BCAR3: variants seen among roughly 807,000 people sequenced by gnomAD.
BCAR3 encodes BCAR3 adaptor protein, NSP family member.
BCAR3 carries 37 observed loss-of-function variants against 80.1 expected under a neutral mutation model. The ratio of observed to expected loss-of-function variants is 0.46; its 90% CI spans 0.36 to 0.61. The LOEUF (loss-of-function observed/expected upper bound fraction) is 0.61. Ranked by LOEUF, BCAR3 falls within the 20% of genes least tolerant of loss-of-function variation. The probability of loss-of-function intolerance (pLI) is 0.00; values close to 1 mark genes in which losing one functional copy is unlikely to be tolerated. For synonymous variants in BCAR3, 389 were observed against 418.9 expected, an observed-to-expected ratio of 0.93 and a Z score of 0.87; for missense variants, 978 against 1,068.2, an observed-to-expected ratio of 0.92 and a Z score of 1.18.
At chr1:93,566,964 G>GT (rs1200520464) in intron 11 of BCAR3, among the ~76,000 whole-genome samples, 2 of 152,160 alleles carry the variant, frequency 1.3e-5, no homozygotes, top group African/African-American at 4.8e-5. Context: ...CTGACTTCAA[G>GT]TGATCTACCT....
chr1:93,807,706 T>TA (rs1653702394), intron 2 of BCAR3, among the ~76,000 whole-genome samples: 1 of 152,144 alleles, frequency 6.6e-6, no homozygotes, highest in African/African-American at 2.4e-5. Context: ...GAAGGAGTCT[T>TA]AAGACAACTG....
intron 2 of BCAR3, among the ~76,000 whole-genome samples, chr1:93,769,260 G>A (rs1652265665): frequency 6.6e-6 from 1 of 152,112 alleles, no homozygotes; most frequent in Non-Finnish European, 1.5e-5. Flanking sequence ...GGGAAAATAC[G>A]CTCGTGGTAT....
At chr1:93,769,326 A>T (rs1176869295) in intron 2 of BCAR3, among the ~76,000 whole-genome samples, 1 of 150,484 alleles carries the variant, frequency 6.6e-6, no homozygotes, top group Non-Finnish European at 1.5e-5. Context: ...ACAGGTGATT[A>T]CAGTTTAGGA....
At chr1:93,802,038 A>C (rs1653497001) in intron 2 of BCAR3, among the ~76,000 whole-genome samples, 3 of 152,046 alleles carry the variant, frequency 2.0e-5, no homozygotes, top group Non-Finnish European at 2.9e-5. Flanking sequence ...GAATCACCTG[A>C]ACCTGGCTTG....
chr1:93,790,402 G>A (rs1653100979), intron 2 of BCAR3, among the ~76,000 whole-genome samples: 2 of 152,072 alleles, frequency 1.3e-5, no homozygotes, highest in African/African-American at 2.4e-5. Flanking sequence ...ATATCTAATT[G>A]CTTAACTTAC....
intron 2 of BCAR3, among the ~76,000 whole-genome samples, chr1:93,653,471 G>A (rs1026497142): frequency 2.0e-5 from 3 of 152,304 alleles, no homozygotes; most frequent in Middle Eastern, 3.4e-3. Flanking sequence ...TCTACAGGGT[G>A]AGCTTTCCAA....
At chr1:93,656,465 A>T (rs71652539) in intron 2 of BCAR3, among the ~76,000 whole-genome samples, 19,991 of 151,916 alleles carry the variant, frequency 0.13, 1,412 homozygotes, top group Middle Eastern at 0.16. Context: ...TATTGATTAT[A>T]GTTTTTTATT....
intron 2 of BCAR3, among the ~76,000 whole-genome samples, chr1:93,779,257 TCCAATGACTTGGCCAGGGC>T (rs966626515): frequency 2.6e-5 from 4 of 152,170 alleles, no homozygotes; most frequent in Admixed American, 1.3e-4. Context: ...ATTCCTGAGG[TCCAATGACTTGGCCAGGGC>T]CAAGTCATTC....
chr1:93,750,901 G>C (rs1030699511), intron 2 of BCAR3, among the ~76,000 whole-genome samples: 3 of 152,172 alleles, frequency 2.0e-5, no homozygotes, highest in African/African-American at 4.8e-5. Flanking sequence ...CCTCTTTGCT[G>C]TGCCATTTCT....
At chr1:93,763,318 C>A (rs910925455) in intron 2 of BCAR3, among the ~76,000 whole-genome samples, 1 of 152,190 alleles carries the variant, frequency 6.6e-6, no homozygotes, top group African/African-American at 2.4e-5. Context: ...CCTGCCTCGG[C>A]CTCCCAAAGT....
At chr1:93,641,012 C>T (rs1456624438) in intron 3 of BCAR3, among the ~76,000 whole-genome samples, 2 of 152,204 alleles carry the variant, frequency 1.3e-5, no homozygotes, top group African/African-American at 4.8e-5. Context: ...AATGCACAAC[C>T]TGCACAAAAC....
chr1:93,710,231 G>T (rs1649972782), intron 2 of BCAR3, among the ~76,000 whole-genome samples: 1 of 152,202 alleles, frequency 6.6e-6, no homozygotes, highest in African/African-American at 2.4e-5. Context: ...CTTGTTTCTG[G>T]CTTTGCCCCT....
Position 93,592,974 on chromosome 1 carries a change from T to G in BCAR3, c.358-581A>C, listed in dbSNP as rs549168747. Among the ~76,000 whole-genome samples the G allele has an allele frequency of 1.3e-5, 2 of 152,362 alleles. No individual in the cohort carries two copies. Among genetic ancestry groups the G allele is most frequent in the African/African-American group, 4.8e-5 (2 of 41,576 alleles). ...TGAATCTAATAACAGAAGTCTGTCT[T>G]TATTTCACATTTCTAATATTTCATT... On this transcript the variant is annotated intron_variant, in intron 3 of 11. Transcript: ENST00000260502. This position sits in a 1 kb window ranked among gnomAD's most constrained non-coding sequence, Gnocchi z 4.8.
rs546929033 is a variant in BCAR3, at chr1:93,819,744, G to GTTAT, written c.-63+25819_-63+25822dup. Reference sequence around the variant, plus strand: ...TGCCAGATTTATTTATATATTTCCAGTTATTTATTTATTTATTTTTCTTTC... The same window carrying GTTAT: ...TGCCAGATTTATTTATATATTTCCAGTTATTTATTTATTTATTTATTTTTCTTTC... On this transcript the variant is annotated intron_variant, in intron 2 of 13. Transcript: ENST00000370244. Among the ~76,000 whole-genome samples the GTTAT allele has an allele frequency of 4.6e-5, 7 of 152,080 alleles. No homozygotes were observed. In the South Asian group the frequency reaches 6.2e-4, roughly 14 times the overall value.
At chr1:93,777,314 T>C (rs895642620) in intron 2 of BCAR3, among the ~76,000 whole-genome samples, 1 of 152,216 alleles carries the variant, frequency 6.6e-6, no homozygotes, top group African/African-American at 2.4e-5. Flanking sequence ...AATTATTATT[T>C]ATTTAAGAGC....
At chr1:93,800,499 C>G (rs1011124800) in intron 2 of BCAR3, among the ~76,000 whole-genome samples, 3 of 151,994 alleles carry the variant, frequency 2.0e-5, no homozygotes, top group Non-Finnish European at 2.9e-5. Context: ...TTGGTTAAAC[C>G]CGGGAGGCAG....
chr1:93,579,054 G>A (rs1192473949), intron 7 of BCAR3, among the ~76,000 whole-genome samples: 1 of 152,164 alleles, frequency 6.6e-6, no homozygotes, highest in Non-Finnish European at 1.5e-5. Context: ...GCGCACGGTG[G>A]GAGGGGCTCA....
intron 8 of BCAR3, among the ~76,000 whole-genome samples, chr1:93,575,145 C>CT: frequency 6.6e-6 from 1 of 152,204 alleles, no homozygotes; most frequent in South Asian, 2.1e-4. Flanking sequence ...TGACATGTGG[C>CT]TGGTGGCTAC....
chr1:93,782,680 T>C (rs1034611607), intron 2 of BCAR3, among the ~76,000 whole-genome samples: 11 of 152,216 alleles, frequency 7.2e-5, no homozygotes, highest in Admixed American at 3.3e-4. Flanking sequence ...ACTCCAGGTC[T>C]TGCCAGCTGG....
Sources: gnomAD v4.1 joint callset for allele counts (sites outside exome capture counted in the v4.1 genomes callset) on GRCh38, gnomAD v4.1.1 for gene constraint, Gnocchi (gnomAD v3.1) non-coding constraint, MANE v1.5 for transcripts, NCBI Gene and HGNC (gene_info 2026-07-23, HGNC 2026-07-21) for gene names.